Variants in QPCT observed in about 807,000 individuals in gnomAD.
QPCT encodes the protein glutaminyl-peptide cyclotransferase.
Under a neutral mutation model 43.4 loss-of-function variants are expected in QPCT, and 44 were observed. That is an observed-to-expected ratio of 1.01 (90% CI 0.80 to 1.30). QPCT has a LOEUF of 1.30. Among genes scored for constraint, QPCT ranks in the 50% most tolerant of loss-of-function variants. The probability of loss-of-function intolerance (pLI) is 0.00; values close to 1 mark genes in which losing one functional copy is unlikely to be tolerated. For synonymous variants in QPCT, 168 were observed against 168.4 expected (o/e 1.00, Z 0.02); for missense variants, 526 against 436.5 (o/e 1.21, Z -1.83).
At chr2:37,352,687 T>G in intron 1 of QPCT, 102 bp from the exon 2 acceptor site, 1 of 1,386,948 alleles carries the variant, frequency 7.2e-7, no homozygotes, top group Non-Finnish European at 1.0e-6. Context: ...GACATAAAGT[T>G]CTCCCTTATT....
intron 1 of QPCT, among the ~76,000 whole-genome samples, chr2:37,347,178 TA>T (rs1355424085): frequency 1.8e-5 from 1 of 56,422 alleles, no homozygotes; most frequent in African/African-American, 1.0e-4. Flanking sequence ...TATATATATA[TA>T]ACATATATAT....
At chr2:37,369,456 C>T (rs974090707) in intron 4 of QPCT, among the ~76,000 whole-genome samples, 1 of 152,184 alleles carries the variant, frequency 6.6e-6, no homozygotes, top group Non-Finnish European at 1.5e-5. Context: ...GAGTTACATA[C>T]ACAAATAATC....
chr2:37,345,002 G>A (rs1672451829), intron 1 of QPCT, 151 bp downstream of exon 1: 1 of 1,203,164 alleles, frequency 8.3e-7, no homozygotes. Flanking sequence ...GCGCCCGGAG[G>A]AGTCGGGGCT....
chr2:37,351,347 A>C (rs1672620555), intron 1 of QPCT, among the ~76,000 whole-genome samples: 1 of 152,230 alleles, frequency 6.6e-6, no homozygotes, highest in Non-Finnish European at 1.5e-5. Flanking sequence ...AACACATTCC[A>C]TTATTAGGTG....
chr2:37,366,909 T>C (rs1291496234), intron 3 of QPCT, among the ~76,000 whole-genome samples: 1 of 152,234 alleles, frequency 6.6e-6, no homozygotes, highest in Admixed American at 6.5e-5. Flanking sequence ...CACACCCTCC[T>C]GTATGGGAAG....
chr2:37,354,202 T>A (rs1672692156), intron 2 of QPCT, among the ~76,000 whole-genome samples: 1 of 152,206 alleles, frequency 6.6e-6, no homozygotes, highest in African/African-American at 2.4e-5. Context: ...CCTCTGCCTC[T>A]CAGGCTAGCC....
chr2:37,362,141 AG>A (rs1672867423), intron 3 of QPCT, among the ~76,000 whole-genome samples: 1 of 152,200 alleles, frequency 6.6e-6, no homozygotes, highest in Non-Finnish European at 1.5e-5. Flanking sequence ...AGTTTCACTG[AG>A]GTACTTGAAC....
chr2:37,344,765 ACCCTCCACCTGCTGCTGC>A lies in QPCT; in HGVS notation c.35_52del (p.Thr12_Leu18delinsMet). On this transcript the variant is annotated inframe_deletion, in exon 1 of 7. Coordinates refer to ENST00000338415, the MANE Select transcript of QPCT (RefSeq NM_012413.4). ...CGGAAGACACCGGCGCGTCGTGGGC[ACCCTCCACCTGCTGCTGC>A]TGGTGGCCGCCCTGCCCTGGGCATC... 6.2e-7 allele frequency: 1 copy of A among 1,608,058 alleles called. No individual in the cohort carries two copies. The highest frequency in any genetic ancestry group is 8.5e-7 in the Non-Finnish European group (1 of 1,178,418).
intron 5 of QPCT, 126 bp downstream of exon 5, chr2:37,369,910 G>T: frequency 1.2e-6 from 1 of 823,974 alleles, no homozygotes; most frequent in Non-Finnish European, 2.0e-6. Flanking sequence ...CTAGCACTTT[G>T]GGAGGCCAAG....
intron 1 of QPCT, among the ~76,000 whole-genome samples, chr2:37,347,343 A>G (rs1198014605): frequency 1.3e-5 from 2 of 148,846 alleles, no homozygotes; most frequent in African/African-American, 5.0e-5. Context: ...AAACTTGACA[A>G]CTATTGCACT....
At chr2:37,369,626 T>G (rs1269897779) in intron 4 of QPCT, 59 bp from the exon 5 acceptor site, 1 of 1,267,424 alleles carries the variant, frequency 7.9e-7, no homozygotes, top group African/African-American at 1.5e-5. Flanking sequence ...TATTTCCCTG[T>G]TGATGAATAT....
At chr2:37,346,306 A>T (rs566691618) in intron 1 of QPCT, among the ~76,000 whole-genome samples, 3 of 152,360 alleles carry the variant, frequency 2.0e-5, no homozygotes, top group African/African-American at 4.8e-5. Context: ...ACAACTTCCC[A>T]TGGGGGCCCA....
intron 2 of QPCT, among the ~76,000 whole-genome samples, chr2:37,359,254 G>A (rs924859918): frequency 6.6e-6 from 1 of 152,132 alleles, no homozygotes; most frequent in Non-Finnish European, 1.5e-5. Flanking sequence ...TGCTACTGTA[G>A]GTTTGCATAA....
At chr2:37,365,608 C>T (rs541851414) in intron 3 of QPCT, among the ~76,000 whole-genome samples, 18 of 151,680 alleles carry the variant, frequency 1.2e-4, no homozygotes, top group Admixed American at 6.6e-4. Context: ...GTTTGTTGGC[C>T]GATGGGAATT....
chr2:37,367,969 A>T (rs551578964), intron 4 of QPCT, among the ~76,000 whole-genome samples: 1 of 152,346 alleles, frequency 6.6e-6, no homozygotes, highest in African/African-American at 2.4e-5. Flanking sequence ...CAGGAACTTC[A>T]GATTCAGTTG....
At chr2:37,344,949 G>C (rs1672449069) in intron 1 of QPCT, 98 bp downstream of exon 1, 2 of 1,438,436 alleles carry the variant, frequency 1.4e-6, no homozygotes, top group African/African-American at 1.5e-5. Context: ...CGGGAGGCGG[G>C]GCAGGGCCAC....
In QPCT at chr2:37,359,777, A is replaced by C; in HGVS notation, c.465A>C (p.Val155=). 6.2e-7 allele frequency: 1 copy of C among 1,614,230 alleles called. No homozygotes were observed. Among genetic ancestry groups the C allele is most frequent in the Non-Finnish European group, 8.5e-7 (1 of 1,180,028 alleles). The change falls in exon 3 of 7, where the codon GTA becomes GTC. Residue 155 remains valine (V), a synonymous_variant. Coordinates refer to ENST00000338415, the MANE Select transcript of QPCT (RefSeq NM_012413.4). Reference sequence around the variant, plus strand: ...CCCACTGGAACAACAGAGTGTTTGTAGGAGCCACTGATTCAGCCGTGCCAT... The same window carrying C: ...CCCACTGGAACAACAGAGTGTTTGTCGGAGCCACTGATTCAGCCGTGCCAT... ...YFSHWNNRVF[V]GATDSAVPCA...
chr2:37,352,162 C>T (rs564535534), intron 1 of QPCT, among the ~76,000 whole-genome samples: 5 of 151,862 alleles, frequency 3.3e-5, no homozygotes, highest in Admixed American at 2.6e-4. Flanking sequence ...CAAAAAATTA[C>T]CATTTCAACA....
intron 3 of QPCT, among the ~76,000 whole-genome samples, chr2:37,365,096 C>A (rs1272822857): frequency 6.6e-6 from 1 of 150,698 alleles, no homozygotes; most frequent in Non-Finnish European, 1.5e-5. Flanking sequence ...CACACACACA[C>A]AAGACAACAC....
Sources: allele counts gnomAD v4.1 joint callset (sites outside exome capture counted in the v4.1 genomes callset), GRCh38; gene constraint gnomAD v4.1.1; transcripts MANE v1.5; gene names NCBI Gene and HGNC (gene_info 2026-07-23, HGNC 2026-07-21).